RBM33: variants seen among roughly 807,000 people sequenced by gnomAD.
RBM33 encodes RNA binding motif protein 33.
RBM33 carries 28 observed loss-of-function variants against 132.6 expected under a neutral mutation model. The ratio of observed to expected loss-of-function variants is 0.21; its 90% confidence interval spans 0.16 to 0.29. The LOEUF is 0.29. Ranked by LOEUF, RBM33 falls within the 10% of genes least tolerant of loss-of-function variation. The pLI, the probability that RBM33 is intolerant of heterozygous loss-of-function variation, is 1.00. For missense variants in RBM33, 1,291 were observed against 1,518.5 expected, an observed-to-expected ratio of 0.85 and a Z score of 2.49; for synonymous variants, 634 against 593.0, an observed-to-expected ratio of 1.07 and a Z score of -1.01.
chr7:155,733,432 GAAAA>G (rs1435181562), intron 9 of RBM33, among the ~76,000 whole-genome samples: 25 of 152,338 alleles, frequency 1.6e-4, no homozygotes, highest in African/African-American at 6.0e-4. Flanking sequence ...TGAACTTACA[GAAAA>G]ATAAAAATAC....
chr7:155,673,962 T>TTTTTTTTTTTG (rs1799102138), intron 3 of RBM33, among the ~76,000 whole-genome samples: 1 of 127,236 alleles, frequency 7.9e-6, no homozygotes, highest in African/African-American at 2.9e-5. Context: ...TTTTTTTTTT[T>TTTTTTTTTTTG]TTTTTTTTTT....
In RBM33 at chr7:155,694,477, A is replaced by C. The variant is rs191305281; in HGVS notation, c.568-6296A>C. Among the ~76,000 whole-genome samples the C allele has an allele frequency of 8.6e-4, 131 of 152,358 alleles. 1 individual carries two copies. The highest frequency in any genetic ancestry group is 2.3e-3 in the Admixed American group (35 of 15,310). On this transcript the variant is annotated intron_variant, in intron 5 of 17. Coordinates refer to ENST00000401878, the MANE Select transcript of RBM33 (RefSeq NM_053043.3). ...AAATGGTGATAATGTTTACACTTAG[A>C]GATAAGCATAGATGTAAAGTGTACA... is the stretch of plus-strand genomic sequence containing the variant.
At chr7:155,678,137 C>T (rs997905835) in intron 3 of RBM33, among the ~76,000 whole-genome samples, 1 of 115,174 alleles carries the variant, frequency 8.7e-6, no homozygotes, top group Non-Finnish European at 2.0e-5. Context: ...CTGGAAAAAC[C>T]AAAGTTTTAT....
chr7:155,700,808 C>T lies in RBM33; in HGVS notation c.603C>T (p.Ile201=), dbSNP rs147432469. ...AAACATTGGAACTTCAAAAGGACAT[C>T]AAAGAAGAATCAGATGAAGAAGAAG... ...GMETLELQKD[I]KEESDEEEED... Residue 201 remains isoleucine (I), a synonymous_variant, in exon 6 of 18, where the codon ATC becomes ATT. Coordinates refer to ENST00000401878, the MANE Select transcript of RBM33 (RefSeq NM_053043.3). The T allele has an allele frequency of 1.3e-5, 21 of 1,582,988 alleles. No individual in the cohort carries two copies. In the African/African-American group the frequency reaches 1.3e-4, roughly 10 times the overall value.
chr7:155,712,991 C>T (rs2116980504), intron 8 of RBM33, among the ~76,000 whole-genome samples: 1 of 152,300 alleles, frequency 6.6e-6, no homozygotes, highest in South Asian at 2.1e-4. Context: ...ACAGATGATC[C>T]TGGTGCAAAC....
intron 6 of RBM33, among the ~76,000 whole-genome samples, chr7:155,703,953 T>G (rs936410881): frequency 6.6e-6 from 1 of 152,216 alleles, no homozygotes; most frequent in Admixed American, 6.5e-5. Flanking sequence ...TGTACTTTTT[T>G]TTTTGTTTTC....
rs143629449 is a variant in RBM33, at chr7:155,745,116, G to A, written c.2493G>A (p.Gln831=). 1.1e-4 allele frequency: 169 copies of A among 1,599,326 alleles called. No individual in the cohort carries two copies. The highest frequency in any genetic ancestry group is 1.4e-4 in the Non-Finnish European group (160 of 1,172,552). The change falls in exon 14 of 18, where the codon CAG becomes CAA. Residue 831 remains glutamine (Q), a synonymous_variant. Transcript: ENST00000401878. This position sits in a 1 kb window ranked among gnomAD's most constrained non-coding sequence, Gnocchi z 4.1. ...KELLERLAQQ[Q]QQLYAPPPPA... ...TGCTGGAGAGACTCGCGCAGCAACA[G>A]CAGCAGCTGTACGCTCCCCCACCCC...
chr7:155,756,619 G>A (rs1801859643), intron 14 of RBM33, among the ~76,000 whole-genome samples: 1 of 152,076 alleles, frequency 6.6e-6, no homozygotes, highest in African/African-American at 2.4e-5. Context: ...CTTGCTATTT[G>A]TTCTGAGAGA....
chr7:155,725,847 G>A (rs755565223), intron 9 of RBM33, among the ~76,000 whole-genome samples: 1 of 152,044 alleles, frequency 6.6e-6, no homozygotes, highest in African/African-American at 2.4e-5. Context: ...CTAGTACTTG[G>A]CACTAGGTGT....
chr7:155,667,476 AC>A (rs998511082), intron 2 of RBM33, among the ~76,000 whole-genome samples: 29 of 152,074 alleles, frequency 1.9e-4, no homozygotes, highest in Admixed American at 9.2e-4. Flanking sequence ...TTTCCTTTAT[AC>A]CCCCAAAAGA....
Position 155,779,896 on chromosome 7 carries a change from C to T in RBM33, c.*4855C>T, listed in dbSNP as rs989681976. The T allele has an allele frequency of 1.5e-4, 23 of 152,078 alleles. No homozygotes were observed. Among genetic ancestry groups the T allele is most frequent in the Admixed American group, 1.2e-3 (19 of 15,262 alleles). 9.4% of individuals were successfully genotyped at this position (152,078 alleles called of 1,614,324 possible). A position where few individuals can be genotyped will look rare whatever the true frequency, so the allele number is the denominator to read the frequency against. On this transcript the variant is annotated 3_prime_UTR_variant, in exon 18 of 18. Coordinates refer to ENST00000401878, the MANE Select transcript of RBM33 (RefSeq NM_053043.3). ...CTAACCAACTAAAAGAGAAGGAGGT[C>T]TTCATGTTGATATTTTGCTTGGTTT...
chr7:155,768,250 A>G (rs985777676), intron 16 of RBM33, among the ~76,000 whole-genome samples: 1 of 152,212 alleles, frequency 6.6e-6, no homozygotes, highest in Non-Finnish European at 1.5e-5. Flanking sequence ...TGCTTCTCAC[A>G]GCATTGAGTG....
chr7:155,742,387 A>G (rs902598692), intron 13 of RBM33, among the ~76,000 whole-genome samples: 3 of 152,242 alleles, frequency 2.0e-5, no homozygotes, highest in Non-Finnish European at 4.4e-5. Context: ...AAAGGGCCCA[A>G]ATATTTTATA....
Position 155,745,268 on chromosome 7 carries a change from G to T in RBM33, c.2645G>T (p.Ser882Ile). 6.2e-7 allele frequency: 1 copy of T among 1,612,954 alleles called. No individual in the cohort carries two copies. The highest frequency in any genetic ancestry group is 8.5e-7 in the Non-Finnish European group (1 of 1,179,436). The stretch of plus-strand genomic sequence containing the variant: ...CTTCTTGTTAAAAACCAGGATGTCA[G>T]TATTTCAAACGTTCAGCCCAAAACA... ...NRLLVKNQDV[S>I]ISNVQPKTSN... is the part of the protein sequence containing the mutation. Residue 882 changes from serine (S) to isoleucine (I), a missense_variant, in exon 14 of 18, where the codon AGT (serine) becomes ATT (isoleucine). By Grantham distance (142) the Ser-to-Ile change is moderately radical. Around this residue, in one of 7 missense-constraint regions of RBM33, gnomAD observed 841 missense variants for 912.0 expected, o/e 0.92. Transcript: ENST00000401878. This position sits in a 1 kb window ranked among gnomAD's most constrained non-coding sequence, Gnocchi z 4.1.
At position 155,776,664 on chromosome 7, in the gene RBM33, T is replaced by C. The variant is rs1802622491; in HGVS notation, c.*1623T>C. The C allele has an allele frequency of 6.6e-6, 1 of 152,254 alleles. No homozygotes were observed. The highest frequency in any genetic ancestry group is 1.9e-4 in the East Asian group (1 of 5,200). The allele number at this position is 152,254 out of a possible 1,614,324, so 9.4% of individuals were successfully genotyped here. ...CAGTCCCAGGAAGCCACAGCGCTTG[T>C]AGGATCTGCTAGGACCCTGCAGCTG... On this transcript the variant is annotated 3_prime_UTR_variant, in exon 18 of 18. Transcript: ENST00000401878. This position sits in a 1 kb window ranked among gnomAD's most constrained non-coding sequence, Gnocchi z 4.0.
intron 14 of RBM33, among the ~76,000 whole-genome samples, chr7:155,753,913 G>C (rs1801765206): frequency 6.6e-6 from 1 of 152,246 alleles, no homozygotes. Context: ...ACAGAATCCT[G>C]ATTAATCACT....
At chr7:155,754,915 A>G (rs1225269025) in intron 14 of RBM33, among the ~76,000 whole-genome samples, 1 of 152,212 alleles carries the variant, frequency 6.6e-6, no homozygotes, top group Non-Finnish European at 1.5e-5. Flanking sequence ...TTTAGATGTA[A>G]GTGCTCCCCA....
chr7:155,658,883 T>TC (rs1798565936), intron 1 of RBM33, among the ~76,000 whole-genome samples: 2 of 152,184 alleles, frequency 1.3e-5, no homozygotes, highest in African/African-American at 4.8e-5. Flanking sequence ...GTACAGAGGC[T>TC]CTCTCTGTTA....
Position 155,711,244 on chromosome 7 carries a change from GC to G in RBM33, c.992del (p.Pro331ArgfsTer35). On this transcript the variant is annotated frameshift_variant, in exon 8 of 18. Coordinates refer to ENST00000401878, the MANE Select transcript of RBM33 (RefSeq NM_053043.3). LOFTEE classifies it high-confidence loss of function. ...PPPPPPPQQQ[P>X]IRSLFQPQPL... ...CACCGCCACCGCCGCCTCAGCAGCA[GC>G]CGATCAGAAGCCTGTTCCAGCCGCA... 6.3e-7 allele frequency: 1 copy of G among 1,596,228 alleles called. No individual in the cohort carries two copies.
Sources: allele counts gnomAD v4.1 joint callset (sites outside exome capture counted in the v4.1 genomes callset), GRCh38; gene constraint gnomAD v4.1.1; regional missense constraint gnomAD v4.1.1; non-coding constraint Gnocchi (gnomAD v3.1); transcripts MANE v1.5; gene names NCBI Gene and HGNC (gene_info 2026-07-23, HGNC 2026-07-21).